TENM4: variants seen among roughly 807,000 people sequenced by gnomAD.
TENM4 encodes teneurin-4.
Under a neutral mutation model 243.3 loss-of-function variants are expected in TENM4, and 82 were observed. That is an observed-to-expected ratio of 0.34 (90% CI 0.28 to 0.40). The LOEUF (loss-of-function observed/expected upper bound fraction) is 0.40, where lower values mean the gene tolerates loss of function less well. TENM4 is among the 10% of genes least tolerant of loss of function. The probability of loss-of-function intolerance (pLI) is 1.00; values close to 1 mark genes in which losing one functional copy is unlikely to be tolerated. For missense variants in TENM4, 3,138 were observed against 3,673.3 expected, an observed-to-expected ratio of 0.85 and a Z score of 3.77; for synonymous variants, 1,412 against 1,456.3, an observed-to-expected ratio of 0.97 and a Z score of 0.69.
chr11:79,181,022 A>ATAATACGTGTAGAT (rs1228615212), intron 3 of TENM4, among the ~76,000 whole-genome samples: 1 of 152,166 alleles, frequency 6.6e-6, no homozygotes, highest in Non-Finnish European at 1.5e-5. Context: ...CGTATGGAAG[A>ATAATACGTGTAGAT]AACTATACCA....
chr11:79,048,950 A>G (rs1217027453), intron 6 of TENM4, among the ~76,000 whole-genome samples: 1 of 152,102 alleles, frequency 6.6e-6, no homozygotes, highest in Non-Finnish European at 1.5e-5. Context: ...CATTTTATCC[A>G]GTTGCTCAAG....
At chr11:78,783,545 A>G (rs1856878159) in intron 16 of TENM4, among the ~76,000 whole-genome samples, 1 of 152,160 alleles carries the variant, frequency 6.6e-6, no homozygotes. Flanking sequence ...TACTCCAGCC[A>G]CTCCATTCTG....
At chr11:78,928,607 T>C (rs541370691) in intron 6 of TENM4, among the ~76,000 whole-genome samples, 24 of 152,364 alleles carry the variant, frequency 1.6e-4, no homozygotes, top group African/African-American at 5.8e-4. Flanking sequence ...TAGGTTCAAA[T>C]TCCAACTCTT....
chr11:78,826,973 G>A (rs1199273792), intron 12 of TENM4, among the ~76,000 whole-genome samples: 3 of 152,110 alleles, frequency 2.0e-5, no homozygotes, highest in African/African-American at 4.8e-5. Context: ...CCCAGGCCTG[G>A]AGCAGTGTTT....
intron 4 of TENM4, among the ~76,000 whole-genome samples, chr11:79,107,755 G>T (rs969141671): frequency 1.3e-5 from 2 of 152,204 alleles, no homozygotes. Flanking sequence ...GCATTTATGG[G>T]ATAGCTTCTT....
intron 6 of TENM4, among the ~76,000 whole-genome samples, chr11:78,972,009 A>G (rs1857555523): frequency 6.6e-6 from 1 of 152,256 alleles, no homozygotes; most frequent in African/African-American, 2.4e-5. Context: ...CAATCTGTAT[A>G]AAAATGTTAA....
intron 6 of TENM4, among the ~76,000 whole-genome samples, chr11:78,925,594 G>A (rs1052594895): frequency 2.0e-5 from 3 of 151,296 alleles, no homozygotes; most frequent in African/African-American, 7.2e-5. Context: ...AAATGCAGAT[G>A]CTTTCACACA....
At chr11:79,219,835 C>T (rs1864124470) in intron 2 of TENM4, among the ~76,000 whole-genome samples, 1 of 152,208 alleles carries the variant, frequency 6.6e-6, no homozygotes, top group Non-Finnish European at 1.5e-5. Context: ...TGCAGAGTGC[C>T]TCTGCTTCTG....
chr11:78,777,528 T>C (rs1200859569), intron 17 of TENM4, among the ~76,000 whole-genome samples: 2 of 152,304 alleles, frequency 1.3e-5, no homozygotes, highest in South Asian at 2.1e-4. Context: ...AATATGATGA[T>C]AAAGCAGTAT....
chr11:78,990,017 T>C (rs1858003707), intron 6 of TENM4, among the ~76,000 whole-genome samples: 1 of 151,194 alleles, frequency 6.6e-6, no homozygotes, highest in Admixed American at 6.6e-5. Flanking sequence ...GTGAGCATGA[T>C]TGCACCACCA....
chr11:78,887,450 G>A (rs546577736), intron 9 of TENM4, among the ~76,000 whole-genome samples: 18 of 152,282 alleles, frequency 1.2e-4, no homozygotes, highest in Non-Finnish European at 7.3e-5. Flanking sequence ...CTTCTTTTAA[G>A]CTACGAATAC....
At chr11:78,704,078 T>A (rs1272299435) in intron 27 of TENM4, among the ~76,000 whole-genome samples, 8 of 147,418 alleles carry the variant, frequency 5.4e-5, no homozygotes. Context: ...TATATATAAA[T>A]ATATACATAC....
chr11:79,284,697 C>T (rs915231111), intron 2 of TENM4, among the ~76,000 whole-genome samples: 9 of 152,092 alleles, frequency 5.9e-5, no homozygotes, highest in African/African-American at 2.2e-4. Context: ...AATGTAGATA[C>T]ATTGGACTCT....
chr11:79,084,781 G>A (rs1259239462), intron 4 of TENM4, among the ~76,000 whole-genome samples: 1 of 151,674 alleles, frequency 6.6e-6, no homozygotes, highest in East Asian at 1.9e-4. Flanking sequence ...TGATGGAAAT[G>A]TTCGTTGTCT....
chr11:79,372,930 T>C (rs1590918720), intron 1 of TENM4, among the ~76,000 whole-genome samples: 1 of 152,194 alleles, frequency 6.6e-6, no homozygotes, highest in African/African-American at 2.4e-5. Context: ...CACAGCCTGC[T>C]GGGGAATCAA....
chr11:79,089,336 CT>C (rs1381055033), intron 4 of TENM4, among the ~76,000 whole-genome samples: 3 of 152,220 alleles, frequency 2.0e-5, no homozygotes, highest in Admixed American at 2.0e-4. Flanking sequence ...GGCCTGCTAG[CT>C]TCCTTCTCCT....
chr11:79,332,833 C>T (rs1401954509), intron 1 of TENM4, among the ~76,000 whole-genome samples: 2 of 152,094 alleles, frequency 1.3e-5, no homozygotes, highest in African/African-American at 2.4e-5. Context: ...CCTCTGGTGC[C>T]AGGGATCTCA....
chr11:79,020,006 C>G (rs967189084), intron 6 of TENM4, among the ~76,000 whole-genome samples: 1 of 152,244 alleles, frequency 6.6e-6, no homozygotes, highest in Non-Finnish European at 1.5e-5. Context: ...CCCTGCCAGC[C>G]TGTTAGCTTT....
rs146683820 is a variant in TENM4 at position 79,072,973 on chromosome 11, T to A, written c.-65-2964A>T. 2.9e-3 allele frequency among the ~76,000 whole-genome samples: 440 copies of A among 152,326 alleles called. 1 individual carries two copies. The highest frequency in any genetic ancestry group is 0.01 in the African/African-American group (426 of 41,582). On this transcript the variant is annotated intron_variant, in intron 4 of 33. Coordinates refer to ENST00000278550, the MANE Select transcript of TENM4 (RefSeq NM_001098816.3). The stretch of plus-strand genomic sequence containing the variant: ...GCTTTTACTATGATTATATATAACA[T>A]CTTTAATCCTCACCCCAACCCTGTG...
Sources: gnomAD v4.1 joint callset for allele counts (sites outside exome capture counted in the v4.1 genomes callset) on GRCh38, gnomAD v4.1.1 for gene constraint, MANE v1.5 for transcripts, NCBI Gene and HGNC (gene_info 2026-07-23, HGNC 2026-07-21) for gene names.